The following EPHA7 variants were observed in gnomAD, a reference collection of about 807,000 sequenced individuals.
EPHA7 encodes the protein EPH receptor A7.
In EPHA7, 25 loss-of-function variants were observed where a neutral mutation model predicts 112.6. That is an observed-to-expected ratio of 0.22 (90% CI 0.16 to 0.31). The LOEUF (loss-of-function observed/expected upper bound fraction) is 0.31. Among genes scored for constraint, EPHA7 ranks in the 10% least tolerant of loss-of-function variants. The pLI is 1.00. For missense variants in EPHA7, 962 were observed against 1,212.6 expected, an observed-to-expected ratio of 0.79 and a Z score of 3.07; for synonymous variants, 437 against 406.5, an observed-to-expected ratio of 1.07 and a Z score of -0.90.
intron 3 of EPHA7, among the ~76,000 whole-genome samples, chr6:93,368,938 T>C (rs947456694): frequency 6.6e-6 from 1 of 152,042 alleles, no homozygotes; most frequent in African/African-American, 2.4e-5. Flanking sequence ...TAAATAATCA[T>C]TTCTGTTATG....
intron 3 of EPHA7, among the ~76,000 whole-genome samples, chr6:93,359,854 T>TAGAGAGAGAG (rs57690732): frequency 0.022 from 2,718 of 124,646 alleles, 28 homozygotes; most frequent in Non-Finnish European, 0.026. Context: ...CAATAGATGA[T>TAGAGAGAGAG]AGAGAGAGAG....
At chr6:93,384,704 T>A (rs546911406) in intron 3 of EPHA7, among the ~76,000 whole-genome samples, 5 of 152,288 alleles carry the variant, frequency 3.3e-5, no homozygotes, top group Non-Finnish European at 7.4e-5. Context: ...AAAGACCTTA[T>A]TTGTTCCCTC....
At chr6:93,344,556 C>T (rs1396954058) in intron 5 of EPHA7, among the ~76,000 whole-genome samples, 1 of 151,626 alleles carries the variant, frequency 6.6e-6, no homozygotes, top group Non-Finnish European at 1.5e-5. Context: ...ATTCAGCCAT[C>T]ATTGAGCTGA....
chr6:93,260,663 T>C (rs192217130), intron 9 of EPHA7: 3 of 976,514 alleles, frequency 3.1e-6, no homozygotes, highest in Admixed American at 6.2e-5. Flanking sequence ...TAAAGGAAAA[T>C]GGGATTTAAA....
chr6:93,415,988 C>T (rs1163965240), intron 1 of EPHA7, among the ~76,000 whole-genome samples: 3 of 152,078 alleles, frequency 2.0e-5, no homozygotes, highest in Admixed American at 2.0e-4. Context: ...AAGTTACTCA[C>T]TGTAAATGAA....
chr6:93,279,301 A>T (rs1344248066), intron 5 of EPHA7, among the ~76,000 whole-genome samples: 1 of 152,150 alleles, frequency 6.6e-6, no homozygotes, highest in Non-Finnish European at 1.5e-5. Context: ...TAACACATAT[A>T]GATCTGCATC....
intron 5 of EPHA7, among the ~76,000 whole-genome samples, chr6:93,276,187 G>T (rs924611814): frequency 6.6e-6 from 1 of 151,954 alleles, no homozygotes; most frequent in Non-Finnish European, 1.5e-5. Context: ...GATTATCCTG[G>T]ATTCTTCCCA....
chr6:93,287,809 T>A (rs890974203), intron 5 of EPHA7, among the ~76,000 whole-genome samples: 3 of 152,114 alleles, frequency 2.0e-5, no homozygotes, highest in Non-Finnish European at 4.4e-5. Flanking sequence ...GAGTCAAATT[T>A]CTTCAAGGCC....
chr6:93,347,891 T>C (rs164534), intron 5 of EPHA7, among the ~76,000 whole-genome samples: 65,265 of 151,616 alleles, frequency 0.43, 15,347 homozygotes, highest in African/African-American at 0.61. Context: ...TGAACTCTTG[T>C]TTCCCAAGTA....
chr6:93,413,319 T>TTGA (rs1257919950), intron 2 of EPHA7, among the ~76,000 whole-genome samples: 3 of 151,958 alleles, frequency 2.0e-5, no homozygotes, highest in Non-Finnish European at 4.4e-5. Flanking sequence ...ACTGATAAAA[T>TTGA]GCCCATTTGA....
chr6:93,388,970 A>G (rs887249720), intron 3 of EPHA7, among the ~76,000 whole-genome samples: 2 of 152,072 alleles, frequency 1.3e-5, no homozygotes, highest in Non-Finnish European at 2.9e-5. Flanking sequence ...GAGCAAGATC[A>G]AATGCACACA....
intron 3 of EPHA7, among the ~76,000 whole-genome samples, chr6:93,384,018 T>G (rs76168552): frequency 0.11 from 16,443 of 152,082 alleles, 1,031 homozygotes; most frequent in East Asian, 0.31. Context: ...ATATAATATA[T>G]AAACCTTTTA....
chr6:93,311,920 C>T (rs1773562920), intron 5 of EPHA7, among the ~76,000 whole-genome samples: 1 of 152,036 alleles, frequency 6.6e-6, no homozygotes, highest in Non-Finnish European at 1.5e-5. Flanking sequence ...TCTTGGGTAA[C>T]CAGGTGCATT....
rs540611982 is a variant in EPHA7 at position 93,246,144 on chromosome 6, C to T, written c.2726+648G>A. ...TCAGCTCACTGCCACCTCTGCCTAC[C>T]GGGTTCAAGCAATTCTCCTGCCTCA... On this transcript the variant is annotated intron_variant, in intron 15 of 16. Coordinates refer to ENST00000369303, the MANE Select transcript of EPHA7 (RefSeq NM_004440.4). 3.3e-3 allele frequency among the ~76,000 whole-genome samples: 509 copies of T among 151,968 alleles called. 2 individuals carry two copies. Among genetic ancestry groups the T allele is most frequent in the African/African-American group, 0.012 (487 of 41,464 alleles).
chr6:93,267,874 G>C (rs1351453347), intron 7 of EPHA7, among the ~76,000 whole-genome samples: 1 of 151,570 alleles, frequency 6.6e-6, no homozygotes, highest in East Asian at 1.9e-4. Context: ...AAATAATAAG[G>C]AATGGTTGGG....
rs190927059 is a variant in EPHA7, at chr6:93,345,610, T to A, written c.1324+11107A>T. On this transcript the variant is annotated intron_variant, in intron 5 of 16. Coordinates refer to ENST00000369303, the MANE Select transcript of EPHA7 (RefSeq NM_004440.4). Reference sequence around the variant, plus strand: ...ATTTTTTCCCAGGGTTCTTAATTGATCCTTGTTCATTGCTTACACTAGTAC... The same window carrying A: ...ATTTTTTCCCAGGGTTCTTAATTGAACCTTGTTCATTGCTTACACTAGTAC... Among the ~76,000 whole-genome samples, 1,065 of 151,876 alleles carry A rather than the reference T, an allele frequency of 7.0e-3. 6 individuals carry two copies. The highest frequency in any genetic ancestry group is 0.013 in the Admixed American group (201 of 15,186).
intron 3 of EPHA7, among the ~76,000 whole-genome samples, chr6:93,381,040 A>G (rs1377953947): frequency 6.6e-6 from 1 of 152,140 alleles, no homozygotes; most frequent in Non-Finnish European, 1.5e-5. Flanking sequence ...CCTCCTGAAT[A>G]TTTTCAGATA....
intron 3 of EPHA7, among the ~76,000 whole-genome samples, chr6:93,401,535 A>G (rs1223956151): frequency 6.6e-6 from 1 of 152,008 alleles, no homozygotes; most frequent in African/African-American, 2.4e-5. Flanking sequence ...AAAACAAAAA[A>G]AATAACATCT....
rs560216669 is a variant in EPHA7, at chr6:93,383,301, G to A, written c.833-24890C>T. Among the ~76,000 whole-genome samples, 40 of 147,388 alleles carry A rather than the reference G, an allele frequency of 2.7e-4. No homozygotes were observed. The South Asian group carries it at 5.6e-3, about 21-fold the overall frequency. On this transcript the variant is annotated intron_variant, in intron 3 of 16. Coordinates refer to ENST00000369303, the MANE Select transcript of EPHA7 (RefSeq NM_004440.4). ...GTGTGTGTGTGTGTGTGTGTACAATGACTTATATCAGAACTCATTTTGTGT... is the reference window on the plus strand; with the variant it reads ...GTGTGTGTGTGTGTGTGTGTACAATAACTTATATCAGAACTCATTTTGTGT...
Sources: gnomAD v4.1 joint callset for allele counts (sites outside exome capture counted in the v4.1 genomes callset) on GRCh38, gnomAD v4.1.1 for gene constraint, MANE v1.5 for transcripts, NCBI Gene and HGNC (gene_info 2026-07-23, HGNC 2026-07-21) for gene names.